The following IPO11 variants were observed in gnomAD, a reference collection of about 807,000 sequenced individuals.
IPO11 encodes importin-11.
IPO11 carries 66 observed loss-of-function variants against 143.2 expected under a neutral mutation model. The ratio of observed to expected loss-of-function variants is 0.46; its 90% CI spans 0.38 to 0.57. The LOEUF is 0.57. Among genes scored for constraint, IPO11 ranks in the 20% least tolerant of loss-of-function variants. IPO11 has a pLI of 0.00. For missense variants in IPO11, 1,026 were observed against 1,141.0 expected, an observed-to-expected ratio of 0.90 and a Z score of 1.45; for synonymous variants, 385 against 377.8, an observed-to-expected ratio of 1.02 and a Z score of -0.22.
intron 22 of IPO11, among the ~76,000 whole-genome samples, chr5:62,535,181 G>A (rs1034806550): frequency 6.8e-6 from 1 of 146,188 alleles, no homozygotes; most frequent in Admixed American, 6.7e-5. Context: ...ATATCTGTAG[G>A]AAGAGACGGG....
At chr5:62,523,977 C>G (rs564407362) in intron 20 of IPO11, among the ~76,000 whole-genome samples, 1 of 152,138 alleles carries the variant, frequency 6.6e-6, no homozygotes, top group East Asian at 1.9e-4. Context: ...ATAGAGAAAT[C>G]CCATGTGTCC....
In IPO11 at chr5:62,485,984, CT is replaced by C. The variant is rs746289007; in HGVS notation, c.1218+537del. 7.5e-3 allele frequency among the ~76,000 whole-genome samples: 982 copies of C among 130,180 alleles called. 4 individuals are homozygous for C. Among genetic ancestry groups the C allele is most frequent in the African/African-American group, 0.022 (774 of 35,906 alleles). The allele number at this position is 130,180 out of a possible 152,430, so 85.4% of individuals were successfully genotyped here. ...TGAGTTTTTTTTCTTTTTTCTTTTT[CT>C]TTTTTTTTTTTTTTGAGACAGAATC... On this transcript the variant is annotated intron_variant, in intron 12 of 29. Coordinates refer to ENST00000325324, the MANE Select transcript of IPO11 (RefSeq NM_016338.5).
chr5:62,546,702 A>G (rs772550232), intron 24 of IPO11, among the ~76,000 whole-genome samples: 4 of 152,246 alleles, frequency 2.6e-5, no homozygotes, highest in Non-Finnish European at 5.9e-5. Context: ...ATGTTGTCAA[A>G]AAACAATTAG....
rs746305183 is a variant in IPO11 at position 62,483,174 on chromosome 5, G to A, written c.902G>A (p.Ser301Asn). Residue 301 changes from serine (S) to asparagine (N), a missense_variant, in exon 10 of 30, where the codon AGC becomes AAC. Coordinates refer to ENST00000325324, the MANE Select transcript of IPO11 (RefSeq NM_016338.5). ...CAGAGATCACTGGAATTTTCTGTAA[G>A]CTATGTTTTTACAGAAGTTGGTGAA... ...LIQRSLEFSV[S>N]YVFTEVGEGV... 4 of 1,608,816 alleles carry A rather than the reference G, an allele frequency of 2.5e-6. No individual in the cohort carries two copies. The highest frequency in any genetic ancestry group is 3.4e-6 in the Non-Finnish European group (4 of 1,176,020).
At chr5:62,443,176 G>A (rs1333360320) in intron 3 of IPO11, 93 bp downstream of exon 3, 9 of 729,424 alleles carry the variant, frequency 1.2e-5, no homozygotes, top group Middle Eastern at 2.4e-4. Flanking sequence ...GGATGTGTTA[G>A]CGCTTACTTC....
chr5:62,472,529 C>CTTTTTTT (rs11398365), intron 7 of IPO11, among the ~76,000 whole-genome samples: 1 of 131,220 alleles, frequency 7.6e-6, no homozygotes. Flanking sequence ...ATATAAAAAT[C>CTTTTTTT]TTTTTTTTTT....
intron 27 of IPO11, among the ~76,000 whole-genome samples, chr5:62,589,972 G>A (rs1744951631): frequency 6.6e-6 from 1 of 152,190 alleles, no homozygotes; most frequent in Admixed American, 6.5e-5. Context: ...CCCTCTGAAA[G>A]CAGTTTCTCA....
intron 19 of IPO11, among the ~76,000 whole-genome samples, chr5:62,507,405 C>T (rs2112266854): frequency 6.6e-6 from 1 of 152,082 alleles, no homozygotes; most frequent in South Asian, 2.1e-4. Flanking sequence ...TTTTTTTCAA[C>T]AACATTGAGA....
In IPO11 at chr5:62,463,390, A is replaced by G. The variant is rs200992424; in HGVS notation, c.517-3741A>G. On this transcript the variant is annotated intron_variant, in intron 5 of 29. Coordinates refer to ENST00000325324, the MANE Select transcript of IPO11 (RefSeq NM_016338.5). ...TCAAAAGGTTTAAACAGGGCCAGGC[A>G]TGGTAGCTTATGCCTGTAATCCCAG... Among the ~76,000 whole-genome samples, 164 of 152,120 alleles carry G rather than the reference A, an allele frequency of 1.1e-3. 1 individual carries two copies. The highest frequency in any genetic ancestry group is 9.6e-3 in the East Asian group (49 of 5,106).
intron 24 of IPO11, among the ~76,000 whole-genome samples, chr5:62,545,746 A>C (rs1047844598): frequency 1.3e-5 from 2 of 152,154 alleles, no homozygotes; most frequent in Non-Finnish European, 2.9e-5. Flanking sequence ...AACTCAAACA[A>C]ATTTACAAGA....
rs1212240770 is a variant in IPO11, at chr5:62,513,935, G to T, written c.1783-1453G>T. Among the ~76,000 whole-genome samples the T allele has an allele frequency of 2.1e-5, 3 of 145,930 alleles. No homozygotes were observed. In the East Asian group the frequency reaches 6.3e-4, roughly 30 times the overall value. ...GACGGGGTCGCGGCCGGGCCGAGGC[G>T]CTCCTCACATCCCAGACGGGGCGGC... On this transcript the variant is annotated intron_variant, in intron 19 of 29. Coordinates refer to ENST00000325324, the MANE Select transcript of IPO11 (RefSeq NM_016338.5).
At chr5:62,618,336 T>A (rs1216329568) in intron 29 of IPO11, among the ~76,000 whole-genome samples, 1 of 152,114 alleles carries the variant, frequency 6.6e-6, no homozygotes, top group Non-Finnish European at 1.5e-5. Flanking sequence ...TAACCTTAAG[T>A]AATTTTATTA....
chr5:62,579,899 A>G, intron 27 of IPO11: 1 of 1,551,172 alleles, frequency 6.4e-7, no homozygotes, highest in Non-Finnish European at 8.7e-7. Flanking sequence ...GTATTTAATG[A>G]TCTAGTTTCA....
At chr5:62,521,437 G>A (rs193132313) in intron 20 of IPO11, among the ~76,000 whole-genome samples, 6 of 152,112 alleles carry the variant, frequency 3.9e-5, no homozygotes, top group African/African-American at 7.2e-5. Context: ...GGACCCTGGA[G>A]CCATTCTAAT....
chr5:62,468,942 T>C (rs1745663010), intron 6 of IPO11, among the ~76,000 whole-genome samples: 1 of 152,206 alleles, frequency 6.6e-6, no homozygotes, highest in South Asian at 2.1e-4. Context: ...TAGACATGGA[T>C]GCATTCATTA....
rs6868330 is a variant in IPO11 at position 62,514,474 on chromosome 5, C to G, written c.1783-914C>G. 7.0e-4 allele frequency among the ~76,000 whole-genome samples: 107 copies of G among 151,800 alleles called. 2 individuals are homozygous for G. In the South Asian group the frequency reaches 0.021, roughly 30 times the overall value. On this transcript the variant is annotated intron_variant, in intron 19 of 29. Coordinates refer to ENST00000325324, the MANE Select transcript of IPO11 (RefSeq NM_016338.5). The stretch of plus-strand genomic sequence containing the variant: ...AGGCGTGGCGGCGCACGCCTGCAAT[C>G]GCAGGCACTTGGCAGGCTGAGGCAG...
At chr5:62,428,494 C>T (rs539470268) in intron 1 of IPO11, among the ~76,000 whole-genome samples, 1 of 152,010 alleles carries the variant, frequency 6.6e-6, no homozygotes, top group Non-Finnish European at 1.5e-5. Context: ...CAGATGCACG[C>T]CACTACACCT....
At chr5:62,447,593 T>TC (rs1744763216) in intron 3 of IPO11, among the ~76,000 whole-genome samples, 1 of 144,824 alleles carries the variant, frequency 6.9e-6, no homozygotes, top group African/African-American at 2.5e-5. Context: ...TTTTTATTCT[T>TC]TTTTTTTTTT....
At chr5:62,528,942 A>C (rs1580287889) in intron 21 of IPO11, among the ~76,000 whole-genome samples, 1 of 152,150 alleles carries the variant, frequency 6.6e-6, no homozygotes, top group Non-Finnish European at 1.5e-5. Context: ...TTTCCTCTTG[A>C]TCCATCTCAC....
Sources: gnomAD v4.1 joint callset for allele counts (sites outside exome capture counted in the v4.1 genomes callset) on GRCh38, gnomAD v4.1.1 for gene constraint, MANE v1.5 for transcripts, NCBI Gene and HGNC (gene_info 2026-07-23, HGNC 2026-07-21) for gene names.